The following EYS variants were observed in gnomAD, a reference collection of about 807,000 sequenced individuals.
The protein encoded by EYS is protein eyes shut homolog.
Under a neutral mutation model 282.1 loss-of-function variants are expected in EYS, and 250 were observed. The ratio of observed to expected loss-of-function variants is 0.89; its 90% CI spans 0.80 to 0.98. The LOEUF is 0.98. Among genes scored for constraint, EYS ranks in the 50% least tolerant of loss-of-function variants. The pLI, the probability that EYS is intolerant of heterozygous loss-of-function variation, is 0.00. For missense variants in EYS, 4,016 were observed against 3,709.0 expected (o/e 1.08, Z -2.15); for synonymous variants, 1,355 against 1,282.9 (o/e 1.06, Z -1.20).
chr6:65,326,444 C>T (rs1358889122), intron 11 of EYS, among the ~76,000 whole-genome samples: 3 of 151,134 alleles, frequency 2.0e-5, no homozygotes, highest in Non-Finnish European at 3.0e-5. Flanking sequence ...GCATATGACT[C>T]ATATATATGA....
chr6:65,586,304 T>C (rs1004910201), intron 2 of EYS, among the ~76,000 whole-genome samples: 1 of 152,054 alleles, frequency 6.6e-6, no homozygotes, highest in Non-Finnish European at 1.5e-5. Context: ...GCACTGCTCT[T>C]ACACTGATCT....
intron 5 of EYS, among the ~76,000 whole-genome samples, chr6:65,488,834 T>C (rs9363378): frequency 0.39 from 59,418 of 151,784 alleles, 11,825 homozygotes; most frequent in Middle Eastern, 0.49. Flanking sequence ...ACATCTACCA[T>C]CATCTGGTCT....
At chr6:64,658,966 A>G (rs974464922) in intron 22 of EYS, among the ~76,000 whole-genome samples, 24 of 152,378 alleles carry the variant, frequency 1.6e-4, no homozygotes, top group African/African-American at 5.5e-4. Context: ...CACTTATTCT[A>G]AAATTGACCA....
At chr6:65,588,252 A>T (rs1765121862) in intron 2 of EYS, among the ~76,000 whole-genome samples, 1 of 151,974 alleles carries the variant, frequency 6.6e-6, no homozygotes, top group African/African-American at 2.4e-5. Context: ...TATCCACCTC[A>T]TTTAACATTT....
At chr6:65,228,727 C>G (rs1562036002) in intron 12 of EYS, among the ~76,000 whole-genome samples, 1 of 151,944 alleles carries the variant, frequency 6.6e-6, no homozygotes, top group Non-Finnish European at 1.5e-5. Flanking sequence ...AATAGTAATA[C>G]AATTGGAGTT....
intron 22 of EYS, among the ~76,000 whole-genome samples, chr6:64,654,360 T>C (rs1768672755): frequency 6.6e-6 from 1 of 152,192 alleles, no homozygotes; most frequent in Non-Finnish European, 1.5e-5. Flanking sequence ...ATCCAAAAAT[T>C]GGCTAAGAAA....
chr6:63,983,657 C>T (rs1022818246), intron 35 of EYS, among the ~76,000 whole-genome samples: 1 of 151,662 alleles, frequency 6.6e-6, no homozygotes, highest in Non-Finnish European at 1.5e-5. Flanking sequence ...GTCAATTTTT[C>T]CTTGACTTGA....
intron 12 of EYS, among the ~76,000 whole-genome samples, chr6:65,281,035 C>CAAAA (rs35633005): frequency 2.0e-5 from 2 of 101,926 alleles, no homozygotes; most frequent in African/African-American, 4.3e-5. Context: ...GATGCCATCT[C>CAAAA]AAAAAAAAAA....
At chr6:64,660,965 T>A (rs1244357404) in intron 22 of EYS, among the ~76,000 whole-genome samples, 1 of 152,166 alleles carries the variant, frequency 6.6e-6, no homozygotes, top group Non-Finnish European at 1.5e-5. Context: ...GCTGGAGGCA[T>A]CACACTACCT....
chr6:65,133,931 AC>A (rs1295086924), intron 12 of EYS, among the ~76,000 whole-genome samples: 6 of 149,066 alleles, frequency 4.0e-5, no homozygotes, highest in Admixed American at 3.4e-4. Context: ...AGAAAAAAAA[AC>A]CCACTAAAAT....
chr6:65,403,171 G>T (rs956362258), intron 6 of EYS, among the ~76,000 whole-genome samples: 2 of 152,010 alleles, frequency 1.3e-5, no homozygotes, highest in African/African-American at 4.8e-5. Context: ...TACCATAAGA[G>T]ATAATAATAA....
chr6:65,000,058 G>A (rs1051889045), intron 13 of EYS, among the ~76,000 whole-genome samples: 9 of 152,120 alleles, frequency 5.9e-5, no homozygotes, highest in Admixed American at 3.9e-4. Flanking sequence ...CCTATAGATG[G>A]CAAAACTAAA....
chr6:65,659,703 A>G (rs904247750), intron 1 of EYS, among the ~76,000 whole-genome samples: 1 of 114,294 alleles, frequency 8.7e-6, no homozygotes, highest in Admixed American at 9.2e-5. Flanking sequence ...TATGCTTTCT[A>G]TTTCTTTTTT....
intron 8 of EYS, among the ~76,000 whole-genome samples, chr6:65,368,598 G>GA (rs1765010962): frequency 6.6e-6 from 1 of 151,596 alleles, no homozygotes; most frequent in Non-Finnish European, 1.5e-5. Context: ...TACGTTATTT[G>GA]AAAAAATTCT....
chr6:64,421,500 G>A (rs1368094081), intron 28 of EYS, among the ~76,000 whole-genome samples: 1 of 152,038 alleles, frequency 6.6e-6, no homozygotes, highest in African/African-American at 2.4e-5. Context: ...TTATCAAGCA[G>A]AAATAAATGT....
intron 31 of EYS, among the ~76,000 whole-genome samples, chr6:64,094,741 G>C (rs1465003051): frequency 6.6e-6 from 1 of 151,998 alleles, no homozygotes; most frequent in African/African-American, 2.4e-5. Flanking sequence ...GGTTTTTTGT[G>C]TCTCTCTCTC....
At chr6:63,872,801 T>C (rs796922230) in intron 35 of EYS, among the ~76,000 whole-genome samples, 29 of 152,052 alleles carry the variant, frequency 1.9e-4, no homozygotes, top group African/African-American at 7.0e-4. Context: ...TAATGTACTC[T>C]TTGCATCTTA....
At chr6:63,753,830 G>A (rs1428764007) in intron 41 of EYS, among the ~76,000 whole-genome samples, 3 of 152,044 alleles carry the variant, frequency 2.0e-5, no homozygotes, top group African/African-American at 7.2e-5. Flanking sequence ...TTTTTCAGAT[G>A]AAGGGGTTTA....
chr6:63,998,808 A>T (rs1214902126), intron 34 of EYS, among the ~76,000 whole-genome samples: 7 of 144,118 alleles, frequency 4.9e-5, no homozygotes, highest in African/African-American at 1.4e-4. Context: ...TTTTTTTTTT[A>T]AAGTCAAGCA....
Sources: gnomAD v4.1 joint callset for allele counts (sites outside exome capture counted in the v4.1 genomes callset) on GRCh38, gnomAD v4.1.1 for gene constraint, MANE v1.5 for transcripts, NCBI Gene and HGNC (gene_info 2026-07-23, HGNC 2026-07-21) for gene names.